The following LPP variants were observed in gnomAD, a reference collection of about 807,000 sequenced individuals.
LPP encodes the protein LIM domain containing preferred translocation partner in lipoma, also known as lipoma-preferred partner.
Under a neutral mutation model 60.4 loss-of-function variants are expected in LPP, and 38 were observed. The observed-to-expected ratio is 0.63, with a 90% CI of 0.49 to 0.83. The LOEUF is 0.83. Ranked by LOEUF, LPP falls within the 40% of genes least tolerant of loss-of-function variation. LPP has a pLI of 0.00. For synonymous variants in LPP, 328 were observed against 290.8 expected (o/e 1.13, Z -1.30); for missense variants, 902 against 783.6 (o/e 1.15, Z -1.80).
At chr3:188,387,535 C>T (rs1424184127) in intron 3 of LPP, among the ~76,000 whole-genome samples, 1 of 149,906 alleles carries the variant, frequency 6.7e-6, no homozygotes, top group Non-Finnish European at 1.5e-5. Context: ...TATATGATGT[C>T]TGAGGGTTGA....
At chr3:188,857,272 A>G (rs1293817377) in intron 9 of LPP, among the ~76,000 whole-genome samples, 1 of 152,228 alleles carries the variant, frequency 6.6e-6, no homozygotes, top group African/African-American at 2.4e-5. Context: ...CTGCATGCTA[A>G]AGATTATTAA....
At chr3:188,707,192 A>G (rs748161904) in intron 7 of LPP, among the ~76,000 whole-genome samples, 1 of 151,598 alleles carries the variant, frequency 6.6e-6, no homozygotes, top group South Asian at 2.1e-4. Context: ...TTTGGGGTAC[A>G]TGTGAGTTTT....
intron 2 of LPP, among the ~76,000 whole-genome samples, chr3:188,308,042 G>A (rs1439275035): frequency 6.6e-6 from 1 of 152,110 alleles, no homozygotes. Context: ...AGGAATAACA[G>A]GTGGAACCTT....
chr3:188,545,869 C>T (rs575935524), intron 6 of LPP, among the ~76,000 whole-genome samples: 160 of 152,078 alleles, frequency 1.1e-3, no homozygotes, highest in Non-Finnish European at 1.5e-3. Flanking sequence ...GGTTAGTCTC[C>T]ACCTTTGTTG....
intron 3 of LPP, among the ~76,000 whole-genome samples, chr3:188,365,791 G>A (rs1487406398): frequency 6.7e-6 from 1 of 149,042 alleles, no homozygotes; most frequent in East Asian, 2.0e-4. Flanking sequence ...CAAAAGTTAT[G>A]TATAGTTAAG....
chr3:188,602,371 A>C (rs997868057), intron 6 of LPP, among the ~76,000 whole-genome samples: 1 of 150,994 alleles, frequency 6.6e-6, no homozygotes, highest in Non-Finnish European at 1.5e-5. Context: ...GTTAGGATAA[A>C]ATGATGATGT....
intron 2 of LPP, among the ~76,000 whole-genome samples, chr3:188,263,700 G>A (rs145618135): frequency 1.1e-4 from 16 of 152,320 alleles, no homozygotes; most frequent in East Asian, 5.8e-4. Context: ...CTCATAATCC[G>A]TCACGTAGAA....
intron 4 of LPP, among the ~76,000 whole-genome samples, chr3:188,426,540 T>G (rs1789393739): frequency 6.6e-6 from 1 of 152,166 alleles, no homozygotes; most frequent in South Asian, 2.1e-4. Context: ...CTGTCTAATA[T>G]TGACAGTGGG....
chr3:188,538,740 C>A (rs2150357355), intron 6 of LPP, among the ~76,000 whole-genome samples: 1 of 152,224 alleles, frequency 6.6e-6, no homozygotes, highest in African/African-American at 2.4e-5. Context: ...ATGTTCATAG[C>A]AACATGATTC....
chr3:188,204,248 A>T (rs1409677199), intron 1 of LPP, among the ~76,000 whole-genome samples: 1 of 152,136 alleles, frequency 6.6e-6, no homozygotes, highest in East Asian at 1.9e-4. Flanking sequence ...AGCAATATAA[A>T]GGGAGACGTG....
At chr3:188,283,838 G>A (rs556827804) in intron 2 of LPP, among the ~76,000 whole-genome samples, 210 of 152,094 alleles carry the variant, frequency 1.4e-3, no homozygotes, top group African/African-American at 4.8e-3. Context: ...TTAGCCAGGC[G>A]TGGTGGTACA....
chr3:188,433,702 T>G (rs1332883391), intron 4 of LPP, among the ~76,000 whole-genome samples: 73 of 96,078 alleles, frequency 7.6e-4, no homozygotes, highest in Admixed American at 1.1e-3. Flanking sequence ...GAGAGAGAGA[T>G]GATGGAGAAG....
At chr3:188,486,579 G>A (rs1056929498) in intron 5 of LPP, among the ~76,000 whole-genome samples, 7 of 152,068 alleles carry the variant, frequency 4.6e-5, no homozygotes, top group Non-Finnish European at 8.8e-5. Context: ...CTTGGGGAGT[G>A]TATTTTCATA....
chr3:188,533,701 T>G (rs909362178), intron 6 of LPP, among the ~76,000 whole-genome samples: 5 of 152,170 alleles, frequency 3.3e-5, no homozygotes, highest in African/African-American at 4.8e-5. Context: ...ATCTTATTCT[T>G]CACAATGCCC....
At chr3:188,690,209 G>T (rs1442981949) in intron 7 of LPP, among the ~76,000 whole-genome samples, 1 of 152,182 alleles carries the variant, frequency 6.6e-6, no homozygotes, top group Non-Finnish European at 1.5e-5. Context: ...CATGTGACTA[G>T]TATGCAGCAG....
At chr3:188,766,299 A>G (rs1734096868) in intron 9 of LPP, among the ~76,000 whole-genome samples, 1 of 149,192 alleles carries the variant, frequency 6.7e-6, no homozygotes, top group African/African-American at 2.4e-5. Context: ...CCAGTATCAC[A>G]GAACCTGAAA....
intron 10 of LPP, among the ~76,000 whole-genome samples, chr3:188,868,131 T>C (rs1033979094): frequency 1.3e-5 from 2 of 152,234 alleles, no homozygotes; most frequent in Admixed American, 1.3e-4. Flanking sequence ...GAAAAATCCC[T>C]GCGTCTTAAG....
rs956430731 is a variant in LPP, at chr3:188,268,276, CAAAAACAAAAACAAA to C, written c.-67+42763_-67+42777del. 1.9e-4 allele frequency among the ~76,000 whole-genome samples: 28 copies of C among 148,042 alleles called. 2 individuals are homozygous for C. In the South Asian group the frequency reaches 2.8e-3, roughly 15 times the overall value. On this transcript the variant is annotated intron_variant, in intron 2 of 11. Coordinates refer to ENST00000617246, the MANE Select transcript of LPP (RefSeq NM_001375462.1). ...GGGGCAAAGGAGACTGTAAAACAAA[CAAAAACAAAAACAAA>C]AAAAACAAAAACACAAAACCAAAAC...
chr3:188,225,528 G>A lies in LPP; in HGVS notation c.-67+1G>A, dbSNP rs1216845275. The A allele has an allele frequency of 6.6e-6, 1 of 152,136 alleles. No homozygotes were observed. 9.4% of individuals were successfully genotyped at this position (152,136 alleles called of 1,614,324 possible). The stretch of plus-strand genomic sequence containing the variant: ...GAGGGAAGATCTTTTTCCTCAATTG[G>A]TGAGTCCCGCACACAAAAAGAACAC... On this transcript the variant is annotated splice_donor_variant, in intron 2 of 11. Coordinates refer to ENST00000617246, the MANE Select transcript of LPP (RefSeq NM_001375462.1). LOFTEE classifies it low-confidence loss of function (5UTR_SPLICE).
Sources: gnomAD v4.1 joint callset for allele counts (sites outside exome capture counted in the v4.1 genomes callset) on GRCh38, gnomAD v4.1.1 for gene constraint, MANE v1.5 for transcripts, NCBI Gene and HGNC (gene_info 2026-07-23, HGNC 2026-07-21) for gene names.